Variants in MTMR10 observed in about 807,000 individuals in gnomAD.
The protein encoded by MTMR10 is myotubularin related protein 10.
A neutral mutation model predicts 88.1 loss-of-function variants in MTMR10; 56 were observed. That is an observed-to-expected ratio of 0.64 (90% CI 0.51 to 0.79). MTMR10 has a LOEUF of 0.79. Among genes scored for constraint, MTMR10 ranks in the 30% least tolerant of loss-of-function variants. MTMR10 has a pLI of 0.00. For missense variants in MTMR10, 883 were observed against 924.7 expected (o/e 0.95, Z 0.58); for synonymous variants, 380 against 340.9 (o/e 1.11, Z -1.26).
At chr15:30,956,959 C>T (rs1159022971) in intron 9 of MTMR10, among the ~76,000 whole-genome samples, 1 of 152,140 alleles carries the variant, frequency 6.6e-6, no homozygotes, top group South Asian at 2.1e-4. Context: ...AGAATACGGA[C>T]TCGTGTGAAC....
Position 30,940,832 on chromosome 15 carries a change from TTTAA to T in MTMR10, c.*634_*637del, listed in dbSNP as rs2063021106. ...TCCTAAAGTCAAAGGCACTTCTAAG[TTTAA>T]TTATCTGCAGCAAATGCTTTAAAAT... On this transcript the variant is annotated 3_prime_UTR_variant, in exon 16 of 16. Transcript: ENST00000435680. The T allele has an allele frequency of 5.1e-6, 5 of 989,054 alleles. No homozygotes were observed. In the South Asian group the frequency reaches 1.4e-4, roughly 27 times the overall value. 61.3% of individuals were successfully genotyped at this position (989,054 alleles called of 1,614,324 possible). A position where few individuals can be genotyped will look rare whatever the true frequency, so the allele number is the denominator to read the frequency against.
At chr15:30,953,530 G>A (rs1199906685) in intron 11 of MTMR10, 32 bp downstream of exon 11, 1 of 1,477,570 alleles carries the variant, frequency 6.8e-7, no homozygotes. Flanking sequence ...AAAATAAAAA[G>A]TTAAAGGAAA....
In MTMR10 at chr15:30,955,653, G is replaced by A. The variant is rs140092538; in HGVS notation, c.936-760C>T. On this transcript the variant is annotated intron_variant, in intron 9 of 15. Coordinates refer to ENST00000435680, the MANE Select transcript of MTMR10 (RefSeq NM_017762.3). ...GAAACAGAAACACTGCCAAGGGGGG[G>A]GCGGGGCAGCACTGCATTTAGATTA... is the stretch of plus-strand genomic sequence containing the variant. 7.2e-3 allele frequency among the ~76,000 whole-genome samples: 1,090 copies of A among 152,132 alleles called. 9 individuals carry two copies. Among genetic ancestry groups the A allele is most frequent in the South Asian group, 0.02 (96 of 4,826 alleles).
intron 2 of MTMR10, among the ~76,000 whole-genome samples, chr15:30,988,610 G>A (rs1244356450): frequency 6.6e-6 from 1 of 152,188 alleles, no homozygotes; most frequent in Non-Finnish European, 1.5e-5. Flanking sequence ...TTATAGAATT[G>A]ATAACCCTCA....
At chr15:30,952,344 C>A (rs544274222) in intron 11 of MTMR10, among the ~76,000 whole-genome samples, 1 of 152,206 alleles carries the variant, frequency 6.6e-6, no homozygotes, top group Non-Finnish European at 1.5e-5. Context: ...TATACGATTT[C>A]TCAAAGGAGT....
chr15:30,941,409 A>G lies in MTMR10; in HGVS notation c.*61T>C. On this transcript the variant is annotated 3_prime_UTR_variant, in exon 16 of 16. Coordinates refer to ENST00000435680, the MANE Select transcript of MTMR10 (RefSeq NM_017762.3). ...AGAGATTCAAACGCCTAGGTTAGCAATGTTAATTCAGAGGAAAAAAGTTGA... is the reference window on the plus strand; with the variant it reads ...AGAGATTCAAACGCCTAGGTTAGCAGTGTTAATTCAGAGGAAAAAAGTTGA... 1.3e-6 allele frequency: 2 copies of G among 1,560,630 alleles called. No individual in the cohort carries two copies. The highest frequency in any genetic ancestry group is 3.9e-5 in the Admixed American group (2 of 51,342).
At chr15:30,984,135 G>A (rs773206678) in intron 2 of MTMR10, among the ~76,000 whole-genome samples, 1 of 152,242 alleles carries the variant, frequency 6.6e-6, no homozygotes, top group Non-Finnish European at 1.5e-5. Flanking sequence ...TGAAGTCAGT[G>A]AGGTACAGTG....
chr15:30,973,847 A>G (rs937542098), intron 5 of MTMR10, among the ~76,000 whole-genome samples: 3 of 152,210 alleles, frequency 2.0e-5, no homozygotes, highest in South Asian at 2.1e-4. Context: ...CACTCAATTC[A>G]TAATATTTCT....
At chr15:30,929,506 G>A in the MTMR10 span, 11 of 597,788 alleles carry the variant, frequency 1.8e-5, no homozygotes, top group Middle Eastern at 2.8e-4. Context: ...GTAAATACAT[G>A]TATGTGTGTG....
At chr15:30,936,146 G>A (rs1200775040), downstream of MTMR10, among the ~76,000 whole-genome samples, 1 of 152,002 alleles carries the variant, frequency 6.6e-6, no homozygotes, top group Non-Finnish European at 1.5e-5. Flanking sequence ...GTCTAGTGAT[G>A]TGTAGTGAAC....
chr15:30,933,997 A>AG (rs2062786541), downstream of MTMR10, among the ~76,000 whole-genome samples: 3 of 152,084 alleles, frequency 2.0e-5, no homozygotes, highest in African/African-American at 7.2e-5. Flanking sequence ...CCTGGGCTCC[A>AG]CGTTGGCCTC....
At chr15:30,960,225 T>C (rs567827501) in intron 7 of MTMR10, among the ~76,000 whole-genome samples, 19 of 152,206 alleles carry the variant, frequency 1.2e-4, no homozygotes, top group African/African-American at 4.6e-4. Flanking sequence ...ACTGGGTGGA[T>C]CAGGTTGACA....
At chr15:30,942,279 C>G (rs1400245592) in intron 15 of MTMR10, 4 of 648,538 alleles carry the variant, frequency 6.2e-6, no homozygotes, top group South Asian at 2.1e-5. Context: ...TAGGCTGTTA[C>G]TATCAGCCTG....
chr15:30,959,263 G>T (rs755229328), intron 7 of MTMR10, 142 bp from the exon 8 acceptor site: 40 of 697,284 alleles, frequency 5.7e-5, no homozygotes, highest in Non-Finnish European at 8.0e-5. Context: ...CACCATGGGG[G>T]GGCAGTGACG....
At position 30,940,728 on chromosome 15, in the gene MTMR10, G is replaced by A; in HGVS notation, c.*742C>T. 1.0e-6 allele frequency: 1 copy of A among 989,828 alleles called. No individual in the cohort carries two copies. Among genetic ancestry groups the A allele is most frequent in the South Asian group, 4.6e-5 (1 of 21,694 alleles). The allele number at this position is 989,828 out of a possible 1,614,324, so 61.3% of individuals were successfully genotyped here. A position where few individuals can be genotyped will look rare whatever the true frequency, so the allele number is the denominator to read the frequency against. ...CTGGCTATGAAGCTTAGTATGAAAAGCCTATTTCAAATATGCAATGGGATT... is the reference window on the plus strand; with the variant it reads ...CTGGCTATGAAGCTTAGTATGAAAAACCTATTTCAAATATGCAATGGGATT... On this transcript the variant is annotated 3_prime_UTR_variant, in exon 16 of 16. Coordinates refer to ENST00000435680, the MANE Select transcript of MTMR10 (RefSeq NM_017762.3).
intron 4 of MTMR10, 61 bp from the exon 5 acceptor site, chr15:30,974,517 T>G: frequency 6.7e-6 from 9 of 1,334,776 alleles, no homozygotes; most frequent in South Asian, 5.7e-5. Flanking sequence ...TACTCACCCT[T>G]TAATACAAAT....
At chr15:30,968,533 CAACACACACACA>C (rs1019747294) in intron 5 of MTMR10, among the ~76,000 whole-genome samples, 1 of 74,212 alleles carries the variant, frequency 1.3e-5, no homozygotes, top group African/African-American at 6.0e-5. Flanking sequence ...ATCAAAAAAA[CAACACACACACA>C]CACACACACA....
At chr15:30,937,312 T>A (rs1184261987), downstream of MTMR10, 33 of 1,517,034 alleles carry the variant, frequency 2.2e-5, no homozygotes, top group Non-Finnish European at 2.9e-5. Context: ...TTCAAGAGTA[T>A]AAAACATGTT....
intron 15 of MTMR10, chr15:30,942,642 T>C (rs1595905163): frequency 2.2e-6 from 1 of 461,288 alleles, no homozygotes. Context: ...AATGGGGCTT[T>C]AGTAAATCAG....
Sources: gnomAD v4.1 joint callset for allele counts (sites outside exome capture counted in the v4.1 genomes callset) on GRCh38, gnomAD v4.1.1 for gene constraint, MANE v1.5 for transcripts, NCBI Gene and HGNC (gene_info 2026-07-23, HGNC 2026-07-21) for gene names.